The following ELMOD1 variants were observed in gnomAD, a reference collection of about 807,000 sequenced individuals.
ELMOD1 encodes ELMO domain containing 1.
A neutral mutation model predicts 46.7 loss-of-function variants in ELMOD1; 21 were observed. That is an observed-to-expected ratio of 0.45 (90% CI 0.32 to 0.65). The LOEUF (loss-of-function observed/expected upper bound fraction) is 0.65. Among genes scored for constraint, ELMOD1 ranks in the 30% least tolerant of loss-of-function variants. ELMOD1 has a pLI of 0.04. For synonymous variants in ELMOD1, 122 were observed against 138.2 expected, an observed-to-expected ratio of 0.88 and a Z score of 0.82; for missense variants, 348 against 407.8, an observed-to-expected ratio of 0.85 and a Z score of 1.26.
At chr11:107,657,424 G>A (rs1866653861) in intron 11 of ELMOD1, among the ~76,000 whole-genome samples, 1 of 152,146 alleles carries the variant, frequency 6.6e-6, no homozygotes, top group South Asian at 2.1e-4. Flanking sequence ...CCACTCAAGA[G>A]GCTGAGGTGA....
At chr11:107,631,516 C>G in intron 4 of ELMOD1, 64 bp from the exon 5 acceptor site, 1 of 955,164 alleles carries the variant, frequency 1.0e-6, no homozygotes, top group Non-Finnish European at 1.5e-6. Flanking sequence ...GCCTCTATCC[C>G]AGTAGATACT....
intron 2 of ELMOD1, among the ~76,000 whole-genome samples, chr11:107,624,682 G>T (rs1455038748): frequency 6.6e-6 from 1 of 151,978 alleles, no homozygotes; most frequent in Non-Finnish European, 1.5e-5. Context: ...TCAAAATTTT[G>T]GTTGAATAAT....
At position 107,617,217 on chromosome 11, in the gene ELMOD1, A is replaced by T. The variant is rs148642779; in HGVS notation, c.-85-888A>T. ...CAGAAATAAACGTGTTAAATAAGAG[A>T]CTGGCTTTTATTCGAGCTAAGTATG... On this transcript the variant is annotated intron_variant, in intron 1 of 11. Coordinates refer to ENST00000265840, the MANE Select transcript of ELMOD1 (RefSeq NM_018712.4). Among the ~76,000 whole-genome samples, 789 of 152,312 alleles carry T rather than the reference A, an allele frequency of 5.2e-3. 3 individuals are homozygous for T. The highest frequency in any genetic ancestry group is 7.8e-3 in the Admixed American group (119 of 15,302).
At chr11:107,654,707 T>TGCA (rs1866593730) in intron 10 of ELMOD1, among the ~76,000 whole-genome samples, 1 of 148,404 alleles carries the variant, frequency 6.7e-6, no homozygotes, top group Non-Finnish European at 1.5e-5. Flanking sequence ...AGGCGGAGCT[T>TGCA]GCAGTGAGTG....
intron 1 of ELMOD1, chr11:107,592,139 T>A (rs1865410054): frequency 2.7e-6 from 1 of 377,270 alleles, no homozygotes. Flanking sequence ...CGGGCTGTTC[T>A]GACTCAGTGT....
chr11:107,633,393 G>T (rs953494991), intron 5 of ELMOD1, among the ~76,000 whole-genome samples: 10 of 152,022 alleles, frequency 6.6e-5, no homozygotes, highest in African/African-American at 2.4e-4. Flanking sequence ...TGCTGCTTAT[G>T]GTGGCACTAA....
chr11:107,601,416 C>CTTT (rs56341702), intron 1 of ELMOD1, among the ~76,000 whole-genome samples: 30 of 122,118 alleles, frequency 2.5e-4, no homozygotes, highest in Non-Finnish European at 2.9e-4. Flanking sequence ...TTAATTTTTT[C>CTTT]TTTTTTTTTT....
At chr11:107,625,545 C>G in intron 2 of ELMOD1, 1 of 985,360 alleles carries the variant, frequency 1.0e-6, no homozygotes, top group Non-Finnish European at 1.2e-6. Flanking sequence ...ACCCACACCC[C>G]CTCACCCCAC....
At chr11:107,642,430 A>G (rs1263485483) in intron 6 of ELMOD1, among the ~76,000 whole-genome samples, 5 of 150,594 alleles carry the variant, frequency 3.3e-5, no homozygotes, top group East Asian at 2.0e-4. Flanking sequence ...GTGCAGTGGC[A>G]CGATCTCGGC....
intron 11 of ELMOD1, among the ~76,000 whole-genome samples, chr11:107,659,514 G>C (rs1298056523): frequency 2.6e-5 from 4 of 152,024 alleles, no homozygotes; most frequent in East Asian, 1.9e-4. Flanking sequence ...GCCACACAGT[G>C]GGGGAGCACT....
chr11:107,654,521 G>A (rs1460239374), intron 10 of ELMOD1, among the ~76,000 whole-genome samples: 2 of 152,176 alleles, frequency 1.3e-5, no homozygotes, highest in South Asian at 2.1e-4. Context: ...TGTAATCCCA[G>A]CACTTTGGGA....
chr11:107,658,901 C>T (rs1338991231), intron 11 of ELMOD1, among the ~76,000 whole-genome samples: 3 of 152,344 alleles, frequency 2.0e-5, no homozygotes, highest in South Asian at 4.1e-4. Flanking sequence ...TGCCACTGCA[C>T]TCCAGCCTGG....
chr11:107,638,881 T>G (rs1418054876), intron 6 of ELMOD1, among the ~76,000 whole-genome samples: 1 of 152,182 alleles, frequency 6.6e-6, no homozygotes, highest in African/African-American at 2.4e-5. Flanking sequence ...GCACAGTGGC[T>G]CACACCTGTA....
intron 1 of ELMOD1, among the ~76,000 whole-genome samples, chr11:107,603,932 A>T (rs1273086383): frequency 1.3e-5 from 2 of 152,140 alleles, no homozygotes; most frequent in Non-Finnish European, 2.9e-5. Context: ...TACATCAGCA[A>T]TGTTGATTGT....
intron 1 of ELMOD1, among the ~76,000 whole-genome samples, chr11:107,605,521 A>G (rs1158058463): frequency 6.6e-6 from 1 of 152,202 alleles, no homozygotes; most frequent in Non-Finnish European, 1.5e-5. Context: ...AATTTCATCA[A>G]TCCTGCATCC....
chr11:107,629,566 A>G (rs534562466), intron 2 of ELMOD1, among the ~76,000 whole-genome samples: 3 of 152,232 alleles, frequency 2.0e-5, no homozygotes, highest in Non-Finnish European at 4.4e-5. Flanking sequence ...AGTCATCATA[A>G]AAGATGGACT....
chr11:107,607,660 CAAA>C (rs1865708499), intron 1 of ELMOD1, among the ~76,000 whole-genome samples: 1 of 95,290 alleles, frequency 1.0e-5, no homozygotes, highest in African/African-American at 1.0e-4. Context: ...CTGTCTAAAA[CAAA>C]CAAACAAACA....
At chr11:107,654,410 G>A (rs192754315) in intron 10 of ELMOD1, among the ~76,000 whole-genome samples, 188 bp downstream of exon 10, 28 of 152,276 alleles carry the variant, frequency 1.8e-4, no homozygotes, top group African/African-American at 6.3e-4. Context: ...ATATTACTTT[G>A]CCTATGAACA....
intron 11 of ELMOD1, among the ~76,000 whole-genome samples, chr11:107,658,842 T>C (rs1866678994): frequency 6.6e-6 from 1 of 152,166 alleles, no homozygotes; most frequent in Non-Finnish European, 1.5e-5. Flanking sequence ...GGCTGAGGCA[T>C]GAGAATCTCT....
Sources: gnomAD v4.1 joint callset for allele counts (sites outside exome capture counted in the v4.1 genomes callset) on GRCh38, gnomAD v4.1.1 for gene constraint, MANE v1.5 for transcripts, NCBI Gene and HGNC (gene_info 2026-07-23, HGNC 2026-07-21) for gene names.